The following BARD1 variants were observed in gnomAD, a reference collection of about 807,000 sequenced individuals.
BARD1 encodes the protein BRCA1-associated RING domain protein 1.
A neutral mutation model predicts 77.0 loss-of-function variants in BARD1; 73 were observed. That is an observed-to-expected ratio of 0.95 (90% CI 0.79 to 1.15). The LOEUF (loss-of-function observed/expected upper bound fraction) is 1.15, where lower values mean the gene tolerates loss of function less well. BARD1 is among the 50% of genes most tolerant of loss of function. BARD1 has a pLI of 0.00. For synonymous variants in BARD1, 384 were observed against 338.0 expected (o/e 1.14, Z -1.49); for missense variants, 993 against 938.8 (o/e 1.06, Z -0.75).
chr2:214,787,962 T>C (rs781206929), intron 3 of BARD1, among the ~76,000 whole-genome samples: 20 of 151,982 alleles, frequency 1.3e-4, no homozygotes, highest in Admixed American at 2.0e-4. Context: ...CTGTGCAACA[T>C]TAACGCCTTC....
At chr2:214,770,811 G>C (rs910060424) in intron 4 of BARD1, among the ~76,000 whole-genome samples, 2 of 152,170 alleles carry the variant, frequency 1.3e-5, no homozygotes, top group African/African-American at 2.4e-5. Flanking sequence ...ACTGGTCTCA[G>C]GTAGTCTGCC....
chr2:214,781,053 C>A lies in BARD1; in HGVS notation c.821G>T (p.Ser274Ile), dbSNP rs763613961. The change falls in exon 4 of 11, where the codon AGT becomes ATT. Residue 274 changes from serine to isoleucine, a missense_variant. Physicochemically the swap from Ser to Ile is moderately radical, Grantham distance 142 (BLOSUM62 -2). Coordinates refer to ENST00000260947, the MANE Select transcript of BARD1 (RefSeq NM_000465.4). The part of the protein sequence containing the change: ...GSLTESECFG[S>I]LTEVSLPLAE... ...CAATGGTAAAGAGACTTCAGTTAAACTTCCAAAACATTCAGATTCTGTCAA... is the reference window on the plus strand; with the variant it reads ...CAATGGTAAAGAGACTTCAGTTAAAATTCCAAAACATTCAGATTCTGTCAA... 1 of 1,606,732 alleles carries A rather than the reference C, an allele frequency of 6.2e-7. No homozygotes were observed.
chr2:214,730,379 G>A (rs770694880), intron 10 of BARD1, 32 bp downstream of exon 10: 2 of 1,560,804 alleles, frequency 1.3e-6, no homozygotes, highest in Non-Finnish European at 1.8e-6. Flanking sequence ...GTCATAATAA[G>A]AACAATGAAA....
At chr2:214,807,569 C>T (rs1490007525) in intron 1 of BARD1, among the ~76,000 whole-genome samples, 1 of 152,126 alleles carries the variant, frequency 6.6e-6, no homozygotes, top group African/African-American at 2.4e-5. Context: ...TTGTTTCTTC[C>T]ATAAAAGCTC....
Position 214,745,175 on chromosome 2 carries a change from A to G in BARD1, c.1811-16T>C, listed in dbSNP as rs981727834. 1.9e-6 allele frequency: 3 copies of G among 1,603,946 alleles called. No individual in the cohort carries two copies. Among genetic ancestry groups the G allele is most frequent in the Non-Finnish European group, 2.6e-6 (3 of 1,170,866 alleles). On this transcript the variant is annotated splice_polypyrimidine_tract_variant and intron_variant, in intron 8 of 10. Transcript: ENST00000260947. Reference sequence around the variant, plus strand: ...ACATGAGTTACTAAAATACAAAAAAAGCAGTAAGAGAAAGAAAGATACAAG... The same window carrying G: ...ACATGAGTTACTAAAATACAAAAAAGGCAGTAAGAGAAAGAAAGATACAAG...
chr2:214,797,867 C>T (rs1358976167), intron 1 of BARD1, among the ~76,000 whole-genome samples: 1 of 152,122 alleles, frequency 6.6e-6, no homozygotes, highest in Non-Finnish European at 1.5e-5. Flanking sequence ...AGCAAAGAGA[C>T]ACAGAAACAA....
chr2:214,776,088 T>C (rs1694725960), intron 4 of BARD1, among the ~76,000 whole-genome samples: 3 of 152,196 alleles, frequency 2.0e-5, no homozygotes, highest in South Asian at 4.1e-4. Flanking sequence ...TTCAAAACAT[T>C]ATCTATTATG....
chr2:214,731,699 T>C (rs922774324), intron 9 of BARD1, among the ~76,000 whole-genome samples: 2 of 152,342 alleles, frequency 1.3e-5, no homozygotes, highest in East Asian at 1.9e-4. Flanking sequence ...GTCTTTGAGG[T>C]TGTTTTGCTC....
intron 6 of BARD1, among the ~76,000 whole-genome samples, chr2:214,764,476 G>A (rs1234490433): frequency 6.6e-6 from 1 of 152,072 alleles, no homozygotes; most frequent in East Asian, 1.9e-4. Context: ...ATGTACAAAG[G>A]CTAGGAGGTA....
chr2:214,785,339 T>C (rs1695223141), intron 3 of BARD1, among the ~76,000 whole-genome samples: 1 of 152,014 alleles, frequency 6.6e-6, no homozygotes, highest in Admixed American at 6.6e-5. Flanking sequence ...TCTTATGTTG[T>C]TTTTGTCTTT....
chr2:214,789,468 C>T (rs1695420124), intron 3 of BARD1, among the ~76,000 whole-genome samples: 1 of 151,788 alleles, frequency 6.6e-6, no homozygotes, highest in Admixed American at 6.6e-5. Context: ...TCTCTTGAAC[C>T]CAGGAGTTCA....
At chr2:214,729,503 T>A (rs1408277921) in intron 10 of BARD1, among the ~76,000 whole-genome samples, 3 of 152,204 alleles carry the variant, frequency 2.0e-5, no homozygotes. Context: ...ATTTCAAGCA[T>A]ACTAACTGGA....
chr2:214,775,973 A>C (rs1694721606), intron 4 of BARD1, among the ~76,000 whole-genome samples: 1 of 152,220 alleles, frequency 6.6e-6, no homozygotes, highest in Non-Finnish European at 1.5e-5. Context: ...AATAAACTAC[A>C]AAGTTAAACT....
rs1302327929 is a variant in BARD1, at chr2:214,752,644, CTAAAA to C, written c.1569-94_1569-90del. On this transcript the variant is annotated intron_variant, in intron 6 of 10. Coordinates refer to ENST00000260947, the MANE Select transcript of BARD1 (RefSeq NM_000465.4). ...CATCCTTAATAATATACAATTTTAA[CTAAAA>C]TAAATTACTCAGAACTCATATTAGG... 14 of 955,442 alleles carry C rather than the reference CTAAAA, an allele frequency of 1.5e-5. No homozygotes were observed. The East Asian group carries it at 1.8e-4, about 12-fold the overall frequency. The allele number at this position is 955,442 out of a possible 1,614,324, so 59.2% of individuals were successfully genotyped here. A position where few individuals can be genotyped will look rare whatever the true frequency, so the allele number is the denominator to read the frequency against.
At chr2:214,803,209 G>A (rs986735891) in intron 1 of BARD1, among the ~76,000 whole-genome samples, 2 of 150,424 alleles carry the variant, frequency 1.3e-5, no homozygotes, top group Non-Finnish European at 3.0e-5. Flanking sequence ...GCCTAGGAAA[G>A]CCAGGTATTG....
chr2:214,739,474 T>C (rs1453093741), intron 9 of BARD1, among the ~76,000 whole-genome samples: 1 of 152,138 alleles, frequency 6.6e-6, no homozygotes, highest in Non-Finnish European at 1.5e-5. Flanking sequence ...TGATTATATT[T>C]TAGACTTTTT....
chr2:214,736,423 T>A (rs1048040329), intron 9 of BARD1, among the ~76,000 whole-genome samples: 1 of 152,134 alleles, frequency 6.6e-6, no homozygotes, highest in Non-Finnish European at 1.5e-5. Flanking sequence ...TTCCCAATGG[T>A]ACTTACAGAG....
At chr2:214,800,939 A>C (rs1361230635) in intron 1 of BARD1, among the ~76,000 whole-genome samples, 1 of 152,190 alleles carries the variant, frequency 6.6e-6, no homozygotes, top group African/African-American at 2.4e-5. Context: ...TTCATCTTTG[A>C]GAATAGTTAG....
intron 7 of BARD1, among the ~76,000 whole-genome samples, chr2:214,748,796 G>A (rs575380317): frequency 9.2e-5 from 14 of 151,844 alleles, no homozygotes; most frequent in Non-Finnish European, 1.3e-4. Flanking sequence ...TCCCAATGAC[G>A]CTACCAAGCA....
Sources: gnomAD v4.1 joint callset for allele counts (sites outside exome capture counted in the v4.1 genomes callset) on GRCh38, gnomAD v4.1.1 for gene constraint, MANE v1.5 for transcripts, NCBI Gene and HGNC (gene_info 2026-07-23, HGNC 2026-07-21) for gene names.